Variants in NME9 observed in about 807,000 individuals in gnomAD.
NME9 encodes the protein thioredoxin domain-containing protein 6.
In NME9, 48 loss-of-function variants were observed where a neutral mutation model predicts 44.4. The observed-to-expected ratio is 1.08, with a 90% CI of 0.86 to 1.37. The LOEUF (loss-of-function observed/expected upper bound fraction) is 1.37. Among genes scored for constraint, NME9 ranks in the 40% most tolerant of loss-of-function variants. The probability of loss-of-function intolerance (pLI) is 0.00; values close to 1 mark genes in which losing one functional copy is unlikely to be tolerated. For missense variants in NME9, 325 were observed against 405.2 expected (o/e 0.80, Z 1.70); for synonymous variants, 139 against 147.1 (o/e 0.94, Z 0.40).
At chr3:138,310,177 C>A (rs1175482859) in intron 6 of NME9, among the ~76,000 whole-genome samples, 1 of 151,854 alleles carries the variant, frequency 6.6e-6, no homozygotes, top group African/African-American at 2.4e-5. Flanking sequence ...TAGAGAAGGT[C>A]ACTATATAAT....
At chr3:138,295,981 C>A in intron 8 of NME9, 1 of 1,439,328 alleles carries the variant, frequency 6.9e-7, no homozygotes, top group Non-Finnish European at 9.6e-7. Context: ...TCTATTTGCA[C>A]AAGTCACCTT....
At chr3:138,301,770 C>T (rs1000625870) in intron 10 of NME9, 66 bp from the exon 11 acceptor site, 3 of 1,269,964 alleles carry the variant, frequency 2.4e-6, no homozygotes, top group Admixed American at 4.0e-5. Flanking sequence ...CTGTCCCACC[C>T]ACCATCCACA....
At chr3:138,319,367 C>CT (rs1264200688) in intron 3 of NME9, 111 bp downstream of exon 3, 2 of 656,968 alleles carry the variant, frequency 3.0e-6, no homozygotes, top group African/African-American at 1.8e-5. Flanking sequence ...ACACTGATTC[C>CT]TTTTTAATGA....
intron 8 of NME9, among the ~76,000 whole-genome samples, chr3:138,269,637 A>G (rs1428967029): frequency 6.6e-6 from 1 of 152,152 alleles, no homozygotes; most frequent in Non-Finnish European, 1.5e-5. Context: ...TTCGTAAGCA[A>G]TGCACAAGAT....
At chr3:138,318,075 A>G in intron 4 of NME9, 73 bp downstream of exon 4, 1 of 930,104 alleles carries the variant, frequency 1.1e-6, no homozygotes, top group Non-Finnish European at 1.8e-6. Context: ...AATTAATGTC[A>G]GTGAGATGCT....
intron 8 of NME9, among the ~76,000 whole-genome samples, chr3:138,272,108 T>A (rs1023147154): frequency 6.6e-6 from 1 of 152,200 alleles, no homozygotes; most frequent in Non-Finnish European, 1.5e-5. Context: ...AAATAGCTAC[T>A]AGCCACCCGG....
downstream of NME9, chr3:138,297,629 T>C (rs1473180046): frequency 1.3e-5 from 2 of 152,208 alleles, no homozygotes; most frequent in Non-Finnish European, 2.9e-5. Flanking sequence ...CCACCCAAGA[T>C]TCAAACACAG....
chr3:138,327,112 T>C (rs1177226091), intron 1 of NME9: 1 of 144,980 alleles, frequency 6.9e-6, no homozygotes, highest in Non-Finnish European at 1.5e-5. Context: ...GATGAGATCA[T>C]GCCGCTGCAT....
intron 6 of NME9, among the ~76,000 whole-genome samples, chr3:138,310,724 G>A (rs777878289): frequency 7.9e-5 from 12 of 152,046 alleles, no homozygotes; most frequent in East Asian, 1.9e-4. Context: ...AAATGAAAAC[G>A]GAAATACACA....
intron 8 of NME9, among the ~76,000 whole-genome samples, chr3:138,270,556 T>A (rs1157918702): frequency 6.6e-6 from 1 of 151,978 alleles, no homozygotes; most frequent in Non-Finnish European, 1.5e-5. Flanking sequence ...AGAATGATTA[T>A]TTTTTTTAAT....
At chr3:138,307,012 C>A (rs763929434) in intron 6 of NME9, among the ~76,000 whole-genome samples, 25 of 152,214 alleles carry the variant, frequency 1.6e-4, no homozygotes, top group Non-Finnish European at 3.4e-4. Context: ...TACTTTTTCC[C>A]TTTCCTGCCA....
chr3:138,263,534 A>G lies in NME9; in HGVS notation c.746-948T>C, dbSNP rs542076566. ...ACATAACCTGCCCCTTACGCCTGTC[A>G]TTCAGCCTGGCAGGTCCTTAGTGGG... On this transcript the variant is annotated intron_variant, in intron 8 of 8. Coordinates refer to the NME9 transcript ENST00000317876. The G allele has an allele frequency of 1.4e-4, 86 of 595,144 alleles. No individual in the cohort carries two copies. The South Asian group carries it at 1.7e-3, about 12-fold the overall frequency. 36.9% of individuals were successfully genotyped at this position (595,144 alleles called of 1,614,324 possible). A position where few individuals can be genotyped will look rare whatever the true frequency, so the allele number is the denominator to read the frequency against.
intron 6 of NME9, among the ~76,000 whole-genome samples, chr3:138,308,956 A>C (rs1217487502): frequency 9.9e-5 from 15 of 151,058 alleles, no homozygotes; most frequent in Non-Finnish European, 1.3e-4. Flanking sequence ...AAAAAAAAAA[A>C]AAAAAAAAAA....
chr3:138,282,819 C>T (rs987453616), intron 8 of NME9, among the ~76,000 whole-genome samples: 6 of 152,156 alleles, frequency 3.9e-5, no homozygotes, highest in African/African-American at 9.7e-5. Flanking sequence ...GTTAATTACA[C>T]TTGGCATGCT....
intron 8 of NME9, among the ~76,000 whole-genome samples, chr3:138,278,745 G>A (rs981383054): frequency 6.6e-6 from 1 of 152,030 alleles, no homozygotes; most frequent in Non-Finnish European, 1.5e-5. Flanking sequence ...GCAGTGTTTT[G>A]TAGTTTTTGA....
rs923457833 is a variant in NME9, at chr3:138,308,403, G to C, written c.461-1923C>G. Among the ~76,000 whole-genome samples, 6 of 152,124 alleles carry C rather than the reference G, an allele frequency of 3.9e-5. No individual in the cohort carries two copies. The South Asian group carries it at 1.3e-3, about 32-fold the overall frequency. ...ACCAAGAGACACCGTCCCAGCAACA[G>C]CCTTCCTAACTGTTAGCTTTTCTTC... On this transcript the variant is annotated intron_variant, in intron 6 of 10. Transcript: ENST00000333911.
intron 8 of NME9, chr3:138,267,320 T>C (rs1216255981): frequency 2.0e-5 from 17 of 839,446 alleles, no homozygotes; most frequent in Non-Finnish European, 3.0e-5. Flanking sequence ...GTAGTTGACA[T>C]TGAAATCTGT....
chr3:138,299,852 C>A (rs1462891588), downstream of NME9, among the ~76,000 whole-genome samples: 1 of 152,202 alleles, frequency 6.6e-6, no homozygotes, highest in East Asian at 1.9e-4. Context: ...TCTCATCTCA[C>A]CAATGTTGGA....
chr3:138,284,502 C>A, intron 8 of NME9: 4 of 1,612,976 alleles, frequency 2.5e-6, no homozygotes, highest in South Asian at 2.2e-5. Flanking sequence ...ATGATGATAT[C>A]CTACAGAAAA....
Sources: gnomAD v4.1 joint callset for allele counts (sites outside exome capture counted in the v4.1 genomes callset) on GRCh38, gnomAD v4.1.1 for gene constraint, MANE v1.5 for transcripts, NCBI Gene and HGNC (gene_info 2026-07-23, HGNC 2026-07-21) for gene names.